STAT5B: variants seen among roughly 807,000 people sequenced by gnomAD.
STAT5B encodes transcription factor STAT5B.
In STAT5B, 21 loss-of-function variants were observed where a neutral mutation model predicts 107.8. The observed-to-expected ratio is 0.19, with a 90% CI of 0.14 to 0.28. The LOEUF (loss-of-function observed/expected upper bound fraction) is 0.28, where lower values mean the gene tolerates loss of function less well. Ranked by LOEUF, STAT5B falls within the 10% of genes least tolerant of loss-of-function variation. The pLI is 1.00. For missense variants in STAT5B, 565 were observed against 1,008.2 expected, an observed-to-expected ratio of 0.56 and a Z score of 5.95; for synonymous variants, 325 against 401.7, an observed-to-expected ratio of 0.81 and a Z score of 2.28.
chr17:42,220,735 G>A (rs574033038), intron 5 of STAT5B, among the ~76,000 whole-genome samples: 1 of 152,304 alleles, frequency 6.6e-6, no homozygotes, highest in East Asian at 1.9e-4. Context: ...CACACCATCT[G>A]TGAGGAGTCT....
chr17:42,212,271 T>C (rs2080135971), intron 12 of STAT5B, 81 bp from the exon 13 acceptor site: 3 of 1,603,010 alleles, frequency 1.9e-6, no homozygotes, highest in Non-Finnish European at 2.6e-6. Context: ...AAAACGCTGA[T>C]GGCTGGGAGT....
chr17:42,221,849 TATAG>T (rs2080228800), intron 5 of STAT5B, among the ~76,000 whole-genome samples: 1 of 152,122 alleles, frequency 6.6e-6, no homozygotes, highest in Non-Finnish European at 1.5e-5. Flanking sequence ...GTAGTATCAC[TATAG>T]ACATAAAATG....
chr17:42,231,411 G>C (rs2080316601), intron 2 of STAT5B, among the ~76,000 whole-genome samples: 1 of 151,960 alleles, frequency 6.6e-6, no homozygotes, highest in African/African-American at 2.4e-5. Context: ...GTGTGATCAT[G>C]GGTTACAGCA....
the STAT5B span, among the ~76,000 whole-genome samples, chr17:42,285,991 G>A: frequency 6.6e-6 from 1 of 152,056 alleles, no homozygotes; most frequent in Non-Finnish European, 1.5e-5. Flanking sequence ...AGGCCGAGGC[G>A]GGTGGATCAC....
chr17:42,253,679 T>C (rs759390051), intron 1 of STAT5B, among the ~76,000 whole-genome samples: 2 of 152,102 alleles, frequency 1.3e-5, no homozygotes, highest in African/African-American at 4.8e-5. Flanking sequence ...TTTTGGATGA[T>C]GATGATTATT....
intron 12 of STAT5B, chr17:42,214,394 T>C (rs1167751714): frequency 2.0e-6 from 2 of 984,506 alleles, no homozygotes; most frequent in African/African-American, 3.5e-5. Flanking sequence ...TGATTCAGAG[T>C]TTGTAAGTGA....
rs778211916 is a variant in STAT5B, at chr17:42,216,154, TCTC to T, written c.1381-51_1381-49del. 2.4e-4 allele frequency: 358 copies of T among 1,493,246 alleles called. 2 individuals carry two copies. Among genetic ancestry groups the T allele is most frequent in the East Asian group, 4.7e-5 (2 of 42,210 alleles). 92.5% of individuals were successfully genotyped at this position (1,493,246 alleles called of 1,614,324 possible). A position where few individuals can be genotyped will look rare whatever the true frequency, so the allele number is the denominator to read the frequency against. On this transcript the variant is annotated intron_variant, in intron 11 of 18. Coordinates refer to ENST00000293328, the MANE Select transcript of STAT5B (RefSeq NM_012448.4). ...TGAGCGCCCACGAGCCTCAAGTTCT[TCTC>T]CTTCTCTCTTTTTTTTTTTTCTTAT...
chr17:42,206,042 G>A (rs939087787), intron 16 of STAT5B, among the ~76,000 whole-genome samples: 3 of 152,014 alleles, frequency 2.0e-5, no homozygotes, highest in African/African-American at 2.4e-5. Flanking sequence ...TCTTCAGGGC[G>A]CCCATCACTA....
At chr17:42,279,913 G>C (rs2080788754), upstream of STAT5B, among the ~76,000 whole-genome samples, 1 of 152,108 alleles carries the variant, frequency 6.6e-6, no homozygotes, top group Non-Finnish European at 1.5e-5. Flanking sequence ...GACCTGGCTG[G>C]GTGTGTGCAC....
intron 1 of STAT5B, among the ~76,000 whole-genome samples, chr17:42,253,719 A>G (rs1339302984): frequency 6.6e-6 from 1 of 152,070 alleles, no homozygotes; most frequent in Non-Finnish European, 1.5e-5. Context: ...TCTGTGGCCC[A>G]GACTGGAGAG....
chr17:42,214,827 G>A (rs1437094287), intron 12 of STAT5B, among the ~76,000 whole-genome samples: 1 of 152,140 alleles, frequency 6.6e-6, no homozygotes, highest in African/African-American at 2.4e-5. Flanking sequence ...TTGGCTCACT[G>A]CAGCCTGGAC....
intron 1 of STAT5B, chr17:42,269,675 A>C (rs1300986351): frequency 6.6e-6 from 1 of 152,152 alleles, no homozygotes; most frequent in Non-Finnish European, 1.5e-5. Flanking sequence ...TATTTGAACA[A>C]GTTTATACTC....
chr17:42,279,818 AT>A (rs1040244624), upstream of STAT5B, among the ~76,000 whole-genome samples: 2 of 151,556 alleles, frequency 1.3e-5, no homozygotes, highest in Admixed American at 1.3e-4. Flanking sequence ...AAAAAAAAAA[AT>A]GTCCTGAAGG....
intron 1 of STAT5B, among the ~76,000 whole-genome samples, chr17:42,242,479 A>G (rs991029230): frequency 4.6e-5 from 7 of 152,198 alleles, no homozygotes; most frequent in Non-Finnish European, 8.8e-5. Flanking sequence ...AACATCCCCA[A>G]TCATGGCATA....
chr17:42,222,075 G>C (rs111374125), intron 5 of STAT5B, among the ~76,000 whole-genome samples: 38 of 143,378 alleles, frequency 2.7e-4, no homozygotes, highest in Admixed American at 5.6e-4. Context: ...GCTGTGTGTG[G>C]TGTGTGTGTG....
chr17:42,236,737 G>A (rs573174062), intron 1 of STAT5B, among the ~76,000 whole-genome samples: 14 of 152,260 alleles, frequency 9.2e-5, no homozygotes, highest in African/African-American at 3.4e-4. Context: ...GTGCCTGGCA[G>A]TTAAGTAGTA....
At chr17:42,220,567 T>C (rs2080216723) in intron 5 of STAT5B, among the ~76,000 whole-genome samples, 1 of 152,064 alleles carries the variant, frequency 6.6e-6, no homozygotes, top group Non-Finnish European at 1.5e-5. Context: ...GGGCCCAGCA[T>C]GTTTGTCCAG....
intron 1 of STAT5B, among the ~76,000 whole-genome samples, chr17:42,265,544 G>C (rs1017260901): frequency 6.6e-6 from 1 of 151,588 alleles, no homozygotes; most frequent in African/African-American, 2.4e-5. Context: ...GTAGAGACGG[G>C]GTTTCACCAT....
At chr17:42,219,908 CCA>C (rs1257446820) in intron 5 of STAT5B, 66 bp from the exon 6 acceptor site, 2 of 1,611,558 alleles carry the variant, frequency 1.2e-6, no homozygotes, top group Non-Finnish European at 1.7e-6. Flanking sequence ...CCAGAGAAGC[CCA>C]CTCACCCGTT....
Sources: allele counts gnomAD v4.1 joint callset (sites outside exome capture counted in the v4.1 genomes callset), GRCh38; gene constraint gnomAD v4.1.1; transcripts MANE v1.5; gene names NCBI Gene and HGNC (gene_info 2026-07-23, HGNC 2026-07-21).